The following PALS1 variants were observed in gnomAD, a reference collection of about 807,000 sequenced individuals.
The protein encoded by PALS1 is protein PALS1.
A neutral mutation model predicts 78.9 loss-of-function variants in PALS1; 31 were observed. That is an observed-to-expected ratio of 0.39 (90% confidence interval 0.30 to 0.53). The LOEUF (loss-of-function observed/expected upper bound fraction) is 0.53, where lower values mean the gene tolerates loss of function less well. Among genes scored for constraint, PALS1 ranks in the 20% least tolerant of loss-of-function variants. PALS1 has a pLI of 0.67. For synonymous variants in PALS1, 276 were observed against 270.9 expected (o/e 1.02, Z -0.18); for missense variants, 704 against 826.5 (o/e 0.85, Z 1.82).
In PALS1 at chr14:67,321,097, A is replaced by G; in HGVS notation, c.1578A>G (p.Arg526=). The change falls in exon 13 of 15, where the codon AGA becomes AGG. Residue 526 remains arginine (R), a synonymous_variant. Transcript: ENST00000261681. ...GGCGAGACCAAGAAGTAGCCGGTAG[A>G]GATTACCACTTTGTTTCGCGGCAAG... ...RSRRDQEVAG[R]DYHFVSRQAF... 1 of 1,614,152 alleles carries G rather than the reference A, an allele frequency of 6.2e-7. No homozygotes were observed.
At chr14:67,288,931 A>G (rs998025341) in intron 3 of PALS1, among the ~76,000 whole-genome samples, 2 of 150,968 alleles carry the variant, frequency 1.3e-5, no homozygotes, top group African/African-American at 4.9e-5. Context: ...TTAGAGAATA[A>G]TGACAAGGAA....
At chr14:67,288,142 C>T (rs759285188) in intron 3 of PALS1, among the ~76,000 whole-genome samples, 3 of 151,998 alleles carry the variant, frequency 2.0e-5, no homozygotes, top group Non-Finnish European at 2.9e-5. Context: ...TGCAGTGGTG[C>T]GATCTCCGCT....
intron 4 of PALS1, among the ~76,000 whole-genome samples, chr14:67,296,090 T>C (rs995739128): frequency 6.6e-6 from 1 of 151,762 alleles, no homozygotes; most frequent in African/African-American, 2.4e-5. Flanking sequence ...AATTCTGTTT[T>C]GGGAGGATGG....
intron 4 of PALS1, chr14:67,294,327 C>T (rs907083804): frequency 6.6e-6 from 1 of 151,980 alleles, no homozygotes; most frequent in African/African-American, 2.4e-5. Flanking sequence ...AGTCAGAACT[C>T]AACAAGGAGA....
In PALS1 at chr14:67,279,538, G is replaced by T. The variant is rs779785143; in HGVS notation, c.367+1G>T. ...CCTCATTATGCTGTGAAAATATTAG[G>T]TAAGTAAAAATAGAGGTATAACAGA... On this transcript the variant is annotated splice_donor_variant, in intron 3 of 14. Transcript: ENST00000261681. LOFTEE classifies it high-confidence loss of function. The T allele has an allele frequency of 7.2e-6, 11 of 1,520,908 alleles. No individual in the cohort carries two copies. Among genetic ancestry groups the T allele is most frequent in the Non-Finnish European group, 9.7e-6 (11 of 1,137,694 alleles). 94.2% of individuals were successfully genotyped at this position (1,520,908 alleles called of 1,614,324 possible).
Position 67,321,055 on chromosome 14 carries a change from A to G in PALS1, c.1538-2A>G. On this transcript the variant is annotated splice_acceptor_variant, in intron 12 of 14. Transcript: ENST00000261681. LOFTEE classifies it high-confidence loss of function. ...TATTTCTATCTGATTTTGTTTGCCT[A>G]GATACAACCCGGAGTAGGCGAGACC... 1 of 1,613,874 alleles carries G rather than the reference A, an allele frequency of 6.2e-7. No homozygotes were observed. The highest frequency in any genetic ancestry group is 1.1e-5 in the South Asian group (1 of 91,082).
At chr14:67,324,562 G>T (rs1364790715) in intron 14 of PALS1, among the ~76,000 whole-genome samples, 2 of 151,162 alleles carry the variant, frequency 1.3e-5, no homozygotes, top group African/African-American at 2.4e-5. Flanking sequence ...TCTTTTGATT[G>T]TTTTTTTTGT....
chr14:67,278,215 T>C (rs1374076471), intron 2 of PALS1, among the ~76,000 whole-genome samples: 4 of 152,046 alleles, frequency 2.6e-5, no homozygotes, highest in African/African-American at 9.7e-5. Context: ...TTTTGTATTT[T>C]TCTTAGTAGA....
intron 8 of PALS1, among the ~76,000 whole-genome samples, chr14:67,306,227 C>A (rs1294630582): frequency 6.6e-6 from 1 of 152,168 alleles, no homozygotes; most frequent in Non-Finnish European, 1.5e-5. Flanking sequence ...GCCTTGGCCT[C>A]CCAAAGTGCT....
intron 8 of PALS1, among the ~76,000 whole-genome samples, chr14:67,308,413 CAA>C (rs1490707581): frequency 2.6e-5 from 4 of 151,648 alleles, no homozygotes; most frequent in Admixed American, 2.0e-4. Context: ...AAGCTAATCC[CAA>C]AGTTGTCTCC....
At chr14:67,325,314 T>C (rs1357949100) in intron 14 of PALS1, among the ~76,000 whole-genome samples, 2 of 152,202 alleles carry the variant, frequency 1.3e-5, no homozygotes, top group African/African-American at 4.8e-5. Flanking sequence ...TTAATCTATA[T>C]GTGAGGTTAA....
At chr14:67,311,452 A>C (rs1035553679) in intron 8 of PALS1, among the ~76,000 whole-genome samples, 2 of 152,206 alleles carry the variant, frequency 1.3e-5, no homozygotes, top group African/African-American at 4.8e-5. Flanking sequence ...TGCTCACTGC[A>C]AATATGTGGG....
At chr14:67,321,282 G>A in intron 13 of PALS1, 23 bp downstream of exon 13, 1 of 1,611,586 alleles carries the variant, frequency 6.2e-7, no homozygotes, top group South Asian at 1.1e-5. Flanking sequence ...CTTTGTTTTA[G>A]GGTTTGAACT....
intron 2 of PALS1, among the ~76,000 whole-genome samples, chr14:67,273,521 A>G (rs2084448585): frequency 6.6e-6 from 1 of 152,112 alleles, no homozygotes; most frequent in Non-Finnish European, 1.5e-5. Flanking sequence ...CTAGTCTATC[A>G]TTGATGGACA....
At chr14:67,258,144 A>G (rs1019919433) in intron 1 of PALS1, among the ~76,000 whole-genome samples, 1 of 152,040 alleles carries the variant, frequency 6.6e-6, no homozygotes, top group Admixed American at 6.6e-5. Flanking sequence ...GCATACATAG[A>G]TAGCAGTGTG....
At chr14:67,255,852 T>C (rs2140470815) in intron 1 of PALS1, among the ~76,000 whole-genome samples, 1 of 152,276 alleles carries the variant, frequency 6.6e-6, no homozygotes, top group South Asian at 2.1e-4. Context: ...TATGCCTGGC[T>C]AATTTTGTAT....
chr14:67,255,948 A>G (rs997488292), intron 1 of PALS1, among the ~76,000 whole-genome samples: 3 of 152,210 alleles, frequency 2.0e-5, no homozygotes, highest in African/African-American at 7.2e-5. Context: ...TGGCCTCCCA[A>G]AGTGCTGGGA....
At chr14:67,285,523 C>A (rs1481471200) in intron 3 of PALS1, among the ~76,000 whole-genome samples, 1 of 152,026 alleles carries the variant, frequency 6.6e-6, no homozygotes, top group Non-Finnish European at 1.5e-5. Context: ...CCCACCACCA[C>A]CCCTGGCTAA....
chr14:67,274,031 C>T (rs777996581), intron 2 of PALS1, among the ~76,000 whole-genome samples: 1 of 152,170 alleles, frequency 6.6e-6, no homozygotes, highest in Non-Finnish European at 1.5e-5. Flanking sequence ...AGCCCTTTGT[C>T]AGATGGGTAG....
Sources: gnomAD v4.1 joint callset for allele counts (sites outside exome capture counted in the v4.1 genomes callset) on GRCh38, gnomAD v4.1.1 for gene constraint, MANE v1.5 for transcripts, NCBI Gene and HGNC (gene_info 2026-07-23, HGNC 2026-07-21) for gene names.